The following CD3G variants were observed in gnomAD, a reference collection of about 807,000 sequenced individuals.
CD3G encodes T-cell surface glycoprotein CD3 gamma chain.
In CD3G, 24 loss-of-function variants were observed where a neutral mutation model predicts 28.3. The ratio of observed to expected loss-of-function variants is 0.85; its 90% CI spans 0.61 to 1.19. The LOEUF (loss-of-function observed/expected upper bound fraction) is 1.19. CD3G is among the 50% of genes most tolerant of loss of function. The pLI is 0.00. For missense variants in CD3G, 211 were observed against 210.0 expected, an observed-to-expected ratio of 1.00 and a Z score of -0.03; for synonymous variants, 71 against 75.9, an observed-to-expected ratio of 0.93 and a Z score of 0.34.
chr11:118,351,576 C>G, intron 4 of CD3G, 52 bp from the exon 5 acceptor site: 2 of 1,574,470 alleles, frequency 1.3e-6, no homozygotes, highest in East Asian at 4.5e-5. Flanking sequence ...TGAATATAAC[C>G]CAATTTATTA....
chr11:118,349,041 T>C lies in CD3G; in HGVS notation c.70T>C (p.Ser24Pro). ...IILLQGTLAQ[S>P]IKGNHLVKVY... ...TGTCTTTACAGGTACTTTGGCCCAG[T>C]CAATCAAAGGTAGGAGAAATGGCTT... The change falls in exon 2 of 7, where the codon TCA becomes CCA. Residue 24 changes from serine (S) to proline (P), a missense_variant. Transcript: ENST00000532917. 1 of 1,614,156 alleles carries C rather than the reference T, an allele frequency of 6.2e-7. No homozygotes were observed. Among genetic ancestry groups the C allele is most frequent in the Non-Finnish European group, 8.5e-7 (1 of 1,180,030 alleles).
At chr11:118,347,817 C>T (rs1000174259) in intron 1 of CD3G, among the ~76,000 whole-genome samples, 5 of 152,052 alleles carry the variant, frequency 3.3e-5, no homozygotes, top group Admixed American at 6.6e-5. Context: ...GACAGGGTTT[C>T]GCCATGTTGT....
intron 4 of CD3G, among the ~76,000 whole-genome samples, chr11:118,351,397 A>G (rs1000290709): frequency 2.0e-5 from 3 of 152,114 alleles, no homozygotes; most frequent in Non-Finnish European, 4.4e-5. Context: ...CATTGTCCTG[A>G]CTTCTAACAA....
intron 6 of CD3G, among the ~76,000 whole-genome samples, chr11:118,352,835 T>C (rs1948421985): frequency 6.6e-6 from 1 of 152,216 alleles, no homozygotes; most frequent in Non-Finnish European, 1.5e-5. Flanking sequence ...CTGTGCATTG[T>C]AGGAGTTATG....
At chr11:118,350,899 AAAAAC>A (rs1423939371) in intron 4 of CD3G, 297 of 1,231,848 alleles carry the variant, frequency 2.4e-4, no homozygotes, top group Middle Eastern at 1.0e-3. Flanking sequence ...GAAAAAAAAA[AAAAAC>A]AAAAACAGGC....
At position 118,344,494 on chromosome 11, in the gene CD3G, G is replaced by T. The variant is rs768957947; in HGVS notation, c.55+16G>T. On this transcript the variant is annotated intron_variant, in intron 1 of 6. Coordinates refer to ENST00000532917, the MANE Select transcript of CD3G (RefSeq NM_000073.3). ...CTTCTTCAAGGTAAGGGCCTACTAGGGGTCTGGAAGCCTGGGGAAGGGCTC... is the reference window on the plus strand; with the variant it reads ...CTTCTTCAAGGTAAGGGCCTACTAGTGGTCTGGAAGCCTGGGGAAGGGCTC... The T allele has an allele frequency of 1.3e-6, 2 of 1,557,024 alleles. No homozygotes were observed. The highest frequency in any genetic ancestry group is 1.7e-6 in the Non-Finnish European group (2 of 1,148,662).
At chr11:118,350,889 G>GAAAAAAAAGAAA (rs1948402175) in intron 4 of CD3G, 1 of 523,510 alleles carries the variant, frequency 1.9e-6, no homozygotes, top group Non-Finnish European at 2.4e-6. Flanking sequence ...CTCCCTCTGT[G>GAAAAAAAAGAAA]AAAAAAAAAA....
intron 5 of CD3G, 73 bp downstream of exon 5, chr11:118,351,744 T>C (rs896607429): frequency 9.4e-6 from 13 of 1,378,908 alleles, no homozygotes; most frequent in Non-Finnish European, 1.2e-5. Flanking sequence ...AGGGGCATGT[T>C]ATTTGGAAGA....
chr11:118,346,951 C>T (rs1565520806), intron 1 of CD3G, among the ~76,000 whole-genome samples: 1 of 151,958 alleles, frequency 6.6e-6, no homozygotes, highest in African/African-American at 2.4e-5. Context: ...TAGTTAGAAA[C>T]CTCTTTAACT....
intron 3 of CD3G, chr11:118,350,346 C>G: frequency 1.6e-6 from 1 of 622,066 alleles, no homozygotes; most frequent in Non-Finnish European, 2.9e-6. Flanking sequence ...GGTAGTTAGA[C>G]TACATGGGCT....
chr11:118,350,742 A>G (rs1948400268), intron 4 of CD3G, 59 bp downstream of exon 4: 20 of 1,611,876 alleles, frequency 1.2e-5, no homozygotes, highest in Non-Finnish European at 1.6e-5. Flanking sequence ...CTTTCCTCCT[A>G]CCATTATGTA....
Position 118,349,037 on chromosome 11 carries a change from C to G in CD3G, c.66C>G (p.Ala22=). The change falls in exon 2 of 7, where the codon GCC becomes GCG. Residue 22 remains alanine, a synonymous_variant. Coordinates refer to ENST00000532917, the MANE Select transcript of CD3G (RefSeq NM_000073.3). ...LAIILLQGTL[A]QSIKGNHLVK... Reference sequence around the variant, plus strand: ...CTTCTGTCTTTACAGGTACTTTGGCCCAGTCAATCAAAGGTAGGAGAAATG... The same window carrying G: ...CTTCTGTCTTTACAGGTACTTTGGCGCAGTCAATCAAAGGTAGGAGAAATG... 6.2e-7 allele frequency: 1 copy of G among 1,614,132 alleles called. No homozygotes were observed. The highest frequency in any genetic ancestry group is 8.5e-7 in the Non-Finnish European group (1 of 1,180,020).
chr11:118,353,083 T>C (rs1022856309), intron 6 of CD3G, 36 bp from the exon 7 acceptor site: 1 of 155,870 alleles, frequency 6.4e-6, no homozygotes, highest in African/African-American at 2.4e-5. Context: ...GCATTATTTG[T>C]TTTTTTTGAA....
chr11:118,347,148 T>C (rs1948364476), intron 1 of CD3G, among the ~76,000 whole-genome samples: 1 of 152,182 alleles, frequency 6.6e-6, no homozygotes, highest in Admixed American at 6.5e-5. Flanking sequence ...CGCCTCTCCC[T>C]ATCACACACA....
chr11:118,347,290 G>T (rs989404648), intron 1 of CD3G, among the ~76,000 whole-genome samples: 1 of 152,104 alleles, frequency 6.6e-6, no homozygotes, highest in Admixed American at 6.6e-5. Flanking sequence ...GACAAATGTC[G>T]TTTCCTCTAT....
intron 1 of CD3G, among the ~76,000 whole-genome samples, chr11:118,348,261 C>T (rs960829277): frequency 1.3e-5 from 2 of 152,162 alleles, no homozygotes; most frequent in Non-Finnish European, 2.9e-5. Context: ...TACCCCAGAC[C>T]ACTCACATTT....
chr11:118,344,461 C>G lies in CD3G; in HGVS notation c.38C>G (p.Ala13Gly), dbSNP rs1430979560. The change falls in exon 1 of 7, where the codon GCT becomes GGT. Residue 13 changes from alanine (A) to glycine (G), a missense_variant. Coordinates refer to ENST00000532917, the MANE Select transcript of CD3G (RefSeq NM_000073.3). ...QGKGLAVLILAIILLQGTLAQ... is the reference protein window; with the variant it reads ...QGKGLAVLILGIILLQGTLAQ... ...AAGGGCCTGGCTGTCCTCATCCTGGCTATCATTCTTCTTCAAGGTAAGGGC... is the reference window on the plus strand; with the variant it reads ...AAGGGCCTGGCTGTCCTCATCCTGGGTATCATTCTTCTTCAAGGTAAGGGC... The G allele has an allele frequency of 1.9e-6, 3 of 1,570,014 alleles. No individual in the cohort carries two copies. In the East Asian group the frequency reaches 7.0e-5, roughly 36 times the overall value.
In CD3G at chr11:118,354,843, G is replaced by C. The variant is rs571295872; in HGVS notation, c.*1743G>C. The C allele has an allele frequency of 1.3e-5, 2 of 152,076 alleles. No homozygotes were observed. The highest frequency in any genetic ancestry group is 4.8e-5 in the African/African-American group (2 of 41,406). 9.4% of individuals were successfully genotyped at this position (152,076 alleles called of 1,614,324 possible). ...GTCTTCTTACTATTGGGTTGCATATGTTTTTGATATAAGTCCTTTATCAGA... is the reference window on the plus strand; with the variant it reads ...GTCTTCTTACTATTGGGTTGCATATCTTTTTGATATAAGTCCTTTATCAGA... On this transcript the variant is annotated 3_prime_UTR_variant, in exon 7 of 7. Coordinates refer to ENST00000532917, the MANE Select transcript of CD3G (RefSeq NM_000073.3).
intron 1 of CD3G, among the ~76,000 whole-genome samples, chr11:118,347,610 C>G (rs536833725): frequency 2.3e-4 from 35 of 152,158 alleles, no homozygotes; most frequent in African/African-American, 8.2e-4. Context: ...CTCTACTACC[C>G]TAAGGTTTTG....
Sources: gnomAD v4.1 joint callset for allele counts (sites outside exome capture counted in the v4.1 genomes callset) on GRCh38, gnomAD v4.1.1 for gene constraint, MANE v1.5 for transcripts, NCBI Gene and HGNC (gene_info 2026-07-23, HGNC 2026-07-21) for gene names.